The following TTLL12 variants were observed in gnomAD, a reference collection of about 807,000 sequenced individuals.
TTLL12 encodes tubulin--tyrosine ligase-like protein 12.
Under a neutral mutation model 79.6 loss-of-function variants are expected in TTLL12, and 77 were observed. The observed-to-expected ratio is 0.97, with a 90% CI of 0.81 to 1.17. The LOEUF is 1.17. Ranked by LOEUF, TTLL12 falls within the 50% of genes most tolerant of loss-of-function variation. The pLI is 0.00. For synonymous variants in TTLL12, 437 were observed against 376.1 expected (o/e 1.16, Z -1.87); for missense variants, 969 against 895.9 (o/e 1.08, Z -1.04).
chr22:43,182,787 C>T (rs374256691), intron 2 of TTLL12, among the ~76,000 whole-genome samples, 193 bp downstream of exon 2: 13 of 152,326 alleles, frequency 8.5e-5, no homozygotes, highest in African/African-American at 3.1e-4. Flanking sequence ...TCCGGTCACC[C>T]CAGGAACGCT....
chr22:43,186,107 A>C, intron 1 of TTLL12: 1 of 641,240 alleles, frequency 1.6e-6, no homozygotes, highest in Non-Finnish European at 1.9e-6. Flanking sequence ...TGGGGTTTCC[A>C]CTTCATCACC....
chr22:43,174,188 G>T (rs113897450), intron 8 of TTLL12, 21 bp downstream of exon 8: 1 of 1,597,288 alleles, frequency 6.3e-7, no homozygotes, highest in East Asian at 2.2e-5. Context: ...GGAGCACACC[G>T]ATGCCGTGTC....
At chr22:43,179,593 G>T in intron 5 of TTLL12, 26 bp downstream of exon 5, 1 of 1,551,780 alleles carries the variant, frequency 6.4e-7, no homozygotes, top group South Asian at 1.2e-5. Flanking sequence ...AAGCAGACAG[G>T]CCTGGTGGGT....
At chr22:43,177,008 G>A (rs926185866) in intron 5 of TTLL12, among the ~76,000 whole-genome samples, 28 of 152,182 alleles carry the variant, frequency 1.8e-4, no homozygotes, top group African/African-American at 6.8e-4. Context: ...AACCCCTCCT[G>A]AGAGGAGCCG....
At chr22:43,173,694 C>T (rs1032966534) in intron 9 of TTLL12, 21 bp downstream of exon 9, 1 of 1,596,448 alleles carries the variant, frequency 6.3e-7, no homozygotes. Context: ...AGCCCTGGGG[C>T]TCCTGGTCTG....
intron 9 of TTLL12, 103 bp from the exon 10 acceptor site, chr22:43,172,657 C>T: frequency 7.7e-7 from 1 of 1,294,852 alleles, no homozygotes; most frequent in Non-Finnish European, 1.1e-6. Context: ...CTGCACTTTA[C>T]TCCTCCTTCT....
At chr22:43,183,679 C>T (rs1289810291) in intron 1 of TTLL12, among the ~76,000 whole-genome samples, 4 of 152,334 alleles carry the variant, frequency 2.6e-5, no homozygotes, top group East Asian at 1.9e-4. Context: ...CAACAGGAAG[C>T]GAGGCCCCAG....
chr22:43,180,448 G>C (rs918033065), intron 3 of TTLL12, among the ~76,000 whole-genome samples: 2 of 152,174 alleles, frequency 1.3e-5, no homozygotes, highest in African/African-American at 4.8e-5. Flanking sequence ...GGCCAGCAGG[G>C]GTGGGTGAGG....
intron 1 of TTLL12, among the ~76,000 whole-genome samples, chr22:43,184,446 A>C (rs1430636384): frequency 6.6e-6 from 1 of 152,232 alleles, no homozygotes; most frequent in Non-Finnish European, 1.5e-5. Context: ...AACCATAACC[A>C]GAGGCCAGCT....
At position 43,172,441 on chromosome 22, in the gene TTLL12, C is replaced by T. The variant is rs1410524848; in HGVS notation, c.1455G>A (p.Leu485=). ...VLLRSVRPLR[L]FVYDVFWLRF... ...GCAGCCAGAACACATCATACACGAA[C>T]AACCGTAGGGGCCTCACTGACCGCA... Residue 485 remains leucine (L), a synonymous_variant, in exon 10 of 14, where the codon TTG becomes TTA. Transcript: ENST00000216129. 6.2e-7 allele frequency: 1 copy of T among 1,614,202 alleles called. No homozygotes were observed. The highest frequency in any genetic ancestry group is 8.5e-7 in the Non-Finnish European group (1 of 1,180,038).
At chr22:43,186,200 C>CCCA (rs71186569) in intron 1 of TTLL12, among the ~76,000 whole-genome samples, 1 of 144,082 alleles carries the variant, frequency 6.9e-6, no homozygotes, top group Non-Finnish European at 1.6e-5. Flanking sequence ...CCCCCCCCCC[C>CCCA]GCCAGCCCGG....
intron 9 of TTLL12, 57 bp downstream of exon 9, chr22:43,173,658 C>T: frequency 1.3e-6 from 2 of 1,536,016 alleles, no homozygotes; most frequent in South Asian, 1.1e-5. Context: ...CTTAGCCCCA[C>T]CTCTCACTGT....
In TTLL12 at chr22:43,172,492, C is replaced by T. The variant is rs772724851; in HGVS notation, c.1404G>A (p.Lys468=). Residue 468 remains lysine (K), a synonymous_variant, in exon 10 of 14, where the codon AAG becomes AAA. Coordinates refer to ENST00000216129, the MANE Select transcript of TTLL12 (RefSeq NM_015140.4). ...LFLREDVGKV[K]FDIRYIVLLR... is the part of the protein sequence containing the mutation. ...GCAGCACGATGTAGCGGATGTCGAA[C>T]TTGACCTTTCCCACGTCTTCTCGAA... 1.2e-6 allele frequency: 2 copies of T among 1,614,148 alleles called. No individual in the cohort carries two copies. Among genetic ancestry groups the T allele is most frequent in the South Asian group, 2.2e-5 (2 of 91,082 alleles).
chr22:43,168,892 G>A lies in TTLL12; in HGVS notation c.1665C>T (p.Phe555=), dbSNP rs779340309. 4 of 1,610,800 alleles carry A rather than the reference G, an allele frequency of 2.5e-6. No individual in the cohort carries two copies. The East Asian group carries it at 8.9e-5, about 36-fold the overall frequency. ...TDVQAEIFRA[F]TELFQVACAK... ...CACAGGCCACCTGGAACAGCTCCGT[G>A]AAGGCCCGGAAGATCTCAGCCTGGG... is the stretch of plus-strand genomic sequence containing the variant. The change falls in exon 13 of 14, where the codon TTC becomes TTT. Residue 555 remains phenylalanine, a synonymous_variant. Transcript: ENST00000216129.
chr22:43,171,196 C>G (rs1364468102), intron 11 of TTLL12, among the ~76,000 whole-genome samples: 2 of 152,250 alleles, frequency 1.3e-5, no homozygotes, highest in East Asian at 1.9e-4. Flanking sequence ...GTACCCAGAG[C>G]TGGCCTCCTG....
In TTLL12 at chr22:43,180,860, T is replaced by C. The variant is rs1932038330; in HGVS notation, c.428A>G (p.His143Arg). The change falls in exon 3 of 14, where the codon CAC (histidine) becomes CGC (arginine). Residue 143 changes from histidine (H) to arginine (R), a missense_variant. Transcript: ENST00000216129. The stretch of plus-strand genomic sequence containing the variant: ...AATGCCCATCAGGTTGGCCATGCGG[T>C]GCAGCAGCCCGGGCACCTGCTGCAG... ...QQLQQVPGLL[H>R]RMANLMGIEF... 1.2e-6 allele frequency: 2 copies of C among 1,613,024 alleles called. No individual in the cohort carries two copies. Among genetic ancestry groups the C allele is most frequent in the African/African-American group, 2.7e-5 (2 of 75,058 alleles).
chr22:43,176,303 G>A lies in TTLL12; in HGVS notation c.917+17C>T, dbSNP rs200369069. 4 of 1,209,128 alleles carry A rather than the reference G, an allele frequency of 3.3e-6. No individual in the cohort carries two copies. Among genetic ancestry groups the A allele is most frequent in the East Asian group, 3.7e-5 (1 of 26,670 alleles). 74.9% of individuals were successfully genotyped at this position (1,209,128 alleles called of 1,614,324 possible). ...GCGGACAAGTCCCAGCCCAAGCAGT[G>A]GGGGGGGGCTACGCACTTGAAGATG... On this transcript the variant is annotated intron_variant, in intron 6 of 13. Coordinates refer to ENST00000216129, the MANE Select transcript of TTLL12 (RefSeq NM_015140.4).
chr22:43,176,407 A>T lies in TTLL12; in HGVS notation c.841-11T>A, dbSNP rs1440485127. On this transcript the variant is annotated splice_polypyrimidine_tract_variant and intron_variant, in intron 5 of 13. Coordinates refer to ENST00000216129, the MANE Select transcript of TTLL12 (RefSeq NM_015140.4). ...TTCCTCCAGAATGGCCTAAAAGGAA[A>T]CACACCGGAAGTAGAGATGAGGTCA... 1 of 1,600,622 alleles carries T rather than the reference A, an allele frequency of 6.2e-7. No homozygotes were observed. The highest frequency in any genetic ancestry group is 1.1e-5 in the South Asian group (1 of 88,370).
chr22:43,182,299 C>T (rs563672147), intron 2 of TTLL12, among the ~76,000 whole-genome samples: 3 of 152,298 alleles, frequency 2.0e-5, no homozygotes, highest in South Asian at 2.1e-4. Flanking sequence ...CTGGGCTGTC[C>T]GTATTTCCGG....
Sources: allele counts gnomAD v4.1 joint callset (sites outside exome capture counted in the v4.1 genomes callset), GRCh38; gene constraint gnomAD v4.1.1; transcripts MANE v1.5; gene names NCBI Gene and HGNC (gene_info 2026-07-23, HGNC 2026-07-21).